The following TCP1 variants were observed in gnomAD, a reference collection of about 807,000 sequenced individuals.
The protein encoded by TCP1 is t-complex 1.
Under a neutral mutation model 54.7 loss-of-function variants are expected in TCP1, and 6 were observed. That is an observed-to-expected ratio of 0.11 (90% CI 0.06 to 0.22). The LOEUF (loss-of-function observed/expected upper bound fraction) is 0.22. Ranked by LOEUF, TCP1 falls within the 10% of genes least tolerant of loss-of-function variation. The pLI, the probability that TCP1 is intolerant of heterozygous loss-of-function variation, is 1.00. For missense variants in TCP1, 511 were observed against 678.2 expected, an observed-to-expected ratio of 0.75 and a Z score of 2.74; for synonymous variants, 225 against 229.7, an observed-to-expected ratio of 0.98 and a Z score of 0.19.
intron 7 of TCP1, among the ~76,000 whole-genome samples, 156 bp from the exon 8 acceptor site, chr6:159,781,266 T>G (rs1388093896): frequency 6.6e-6 from 1 of 152,236 alleles, no homozygotes; most frequent in African/African-American, 2.4e-5. Context: ...ATGGAAAATT[T>G]GAAGGAATTA....
In TCP1 at chr6:159,779,941, A is replaced by G. The variant is rs1346200552; in HGVS notation, c.1244T>C (p.Val415Ala). 1 of 1,614,044 alleles carries G rather than the reference A, an allele frequency of 6.2e-7. No individual in the cohort carries two copies. Among genetic ancestry groups the G allele is most frequent in the Non-Finnish European group, 8.5e-7 (1 of 1,180,032 alleles). The change falls in exon 10 of 12, where the codon GTA becomes GCA. Residue 415 changes from valine to alanine, a missense_variant. This residue lies in a region of TCP1 where 88 missense variants were observed against 153.1 expected (regional missense o/e 0.57). Coordinates refer to ENST00000321394, the MANE Select transcript of TCP1 (RefSeq NM_030752.3). Reference sequence around the variant, plus strand: ...AAGGTATATGGAAAGGGCTGCTTCTACAGCACCCCCACCGGGAACCACAGA... The same window carrying G: ...AAGGTATATGGAAAGGGCTGCTTCTGCAGCACCCCCACCGGGAACCACAGA... ...SKSVVPGGGA[V>A]EAALSIYLEN... is the part of the protein sequence containing the mutation.
chr6:159,786,273 G>A (rs903336551), intron 3 of TCP1, among the ~76,000 whole-genome samples: 3 of 152,268 alleles, frequency 2.0e-5, no homozygotes, highest in Middle Eastern at 3.4e-3. Context: ...CTGATGGGGG[G>A]AGGAAAACTT....
At chr6:159,786,761 T>G (rs940474374) in intron 3 of TCP1, among the ~76,000 whole-genome samples, 1 of 152,222 alleles carries the variant, frequency 6.6e-6, no homozygotes, top group Admixed American at 6.5e-5. Flanking sequence ...AACTATCTAG[T>G]TTCTCCAGAA....
intron 7 of TCP1, among the ~76,000 whole-genome samples, chr6:159,781,714 G>A (rs1780581103): frequency 6.6e-6 from 1 of 152,258 alleles, no homozygotes; most frequent in South Asian, 2.1e-4. Flanking sequence ...GGAGGTCGCA[G>A]TGAGCCGAGA....
chr6:159,779,482 G>C, intron 11 of TCP1, 145 bp downstream of exon 11: 1 of 1,185,010 alleles, frequency 8.4e-7, no homozygotes, highest in South Asian at 1.6e-5. Flanking sequence ...TACAGTGACT[G>C]AACAACAAAT....
chr6:159,788,375 G>A (rs1780749913), intron 1 of TCP1: 1 of 454,868 alleles, frequency 2.2e-6, no homozygotes, highest in Non-Finnish European at 4.0e-6. Context: ...ATCGCTTGAT[G>A]CCAGGAGTTT....
intron 6 of TCP1, 64 bp from the exon 7 acceptor site, chr6:159,784,131 TA>T: frequency 2.0e-6 from 3 of 1,535,534 alleles, no homozygotes; most frequent in Non-Finnish European, 1.7e-6. Flanking sequence ...AGAGTACCTA[TA>T]ATCGATTGTA....
At chr6:159,786,669 G>A (rs151321491) in intron 3 of TCP1, among the ~76,000 whole-genome samples, 1 of 152,344 alleles carries the variant, frequency 6.6e-6, no homozygotes, top group African/African-American at 2.4e-5. Flanking sequence ...TCGTAAGTTA[G>A]ACAAAGATCA....
In TCP1 at chr6:159,789,434, C is replaced by A. The variant is rs1304347584; in HGVS notation, c.35G>T (p.Ser12Ile). 1 of 1,613,746 alleles carries A rather than the reference C, an allele frequency of 6.2e-7. No individual in the cohort carries two copies. Among genetic ancestry groups the A allele is most frequent in the African/African-American group, 1.3e-5 (1 of 74,912 alleles). Residue 12 changes from serine to isoleucine, a missense_variant, in exon 1 of 12, where the codon AGC becomes ATC. Around this residue, in one of 5 missense-constraint regions of TCP1, gnomAD observed 35 missense variants for 32.7 expected, o/e 1.07. Coordinates refer to ENST00000321394, the MANE Select transcript of TCP1 (RefSeq NM_030752.3). ...TTGGGAGCGGATCGTTTCCCCAGTG[C>A]TGCGGTCACCGAACACGGACAAAGG... is the stretch of plus-strand genomic sequence containing the variant. ...EGPLSVFGDRSTGETIRSQNV... is the reference protein window; with the variant it reads ...EGPLSVFGDRITGETIRSQNV...
In TCP1 at chr6:159,779,011, A is replaced by T. The variant is rs760229708; in HGVS notation, c.*34T>A. On this transcript the variant is annotated 3_prime_UTR_variant, in exon 12 of 12. Transcript: ENST00000321394. Reference sequence around the variant, plus strand: ...TCAACTCAAGGTACAAGACAATTGCATTTAACATTGTTATAAATAAAAGGA... The same window carrying T: ...TCAACTCAAGGTACAAGACAATTGCTTTTAACATTGTTATAAATAAAAGGA... The T allele has an allele frequency of 6.3e-7, 1 of 1,599,756 alleles. No homozygotes were observed. Among genetic ancestry groups the T allele is most frequent in the South Asian group, 1.1e-5 (1 of 89,940 alleles).
intron 11 of TCP1, 109 bp downstream of exon 11, chr6:159,779,518 A>C: frequency 7.0e-7 from 1 of 1,420,008 alleles, no homozygotes; most frequent in Non-Finnish European, 9.5e-7. Flanking sequence ...TTTCATGTTA[A>C]GTATTTGACA....
chr6:159,789,472 G>C lies in TCP1; in HGVS notation c.-4C>G, dbSNP rs2115001131. 1 of 1,613,774 alleles carries C rather than the reference G, an allele frequency of 6.2e-7. No homozygotes were observed. ...ACACGGACAAAGGCCCCTCCATCTT[G>C]ACGGCAGCGATACACGTCGAATTCT... On this transcript the variant is annotated 5_prime_UTR_variant, in exon 1 of 12. Coordinates refer to ENST00000321394, the MANE Select transcript of TCP1 (RefSeq NM_030752.3).
chr6:159,780,601 G>T (rs772810475), intron 8 of TCP1, 35 bp from the exon 9 acceptor site: 47 of 1,595,856 alleles, frequency 2.9e-5, no homozygotes, highest in Non-Finnish European at 3.8e-5. Context: ...TGTGAATATT[G>T]CTCTTTCATG....
chr6:159,788,336 TCCCAACA>T, intron 1 of TCP1, 193 bp from the exon 2 acceptor site: 1 of 544,338 alleles, frequency 1.8e-6, no homozygotes. Flanking sequence ...ACAGGTGTAA[TCCCAACA>T]CTGCGAGGCC....
chr6:159,788,286 C>T, intron 1 of TCP1, 143 bp from the exon 2 acceptor site: 1 of 738,154 alleles, frequency 1.4e-6, no homozygotes, highest in Non-Finnish European at 2.2e-6. Context: ...ATTTAAAAAC[C>T]ACCTACTAAG....
intron 8 of TCP1, 79 bp downstream of exon 8, chr6:159,780,856 A>T: frequency 6.8e-7 from 1 of 1,467,416 alleles, no homozygotes; most frequent in Non-Finnish European, 9.1e-7. Flanking sequence ...GTTTTCTGTC[A>T]ATATTCCAAT....
intron 9 of TCP1, 32 bp downstream of exon 9, chr6:159,780,411 A>G (rs965982664): frequency 6.2e-7 from 1 of 1,608,990 alleles, no homozygotes; most frequent in Non-Finnish European, 8.5e-7. Context: ...CAAAATCGGT[A>G]TAACTTTACA....
chr6:159,783,410 C>G (rs191582587), intron 7 of TCP1, among the ~76,000 whole-genome samples: 2 of 109,962 alleles, frequency 1.8e-5, no homozygotes, highest in Non-Finnish European at 3.5e-5. Flanking sequence ...GAGACAGGGT[C>G]TCGCTGTCAC....
At chr6:159,785,689 A>G (rs770067190) in intron 4 of TCP1, 193 bp from the exon 5 acceptor site, 2 of 789,480 alleles carry the variant, frequency 2.5e-6, no homozygotes, top group African/African-American at 1.7e-5. Flanking sequence ...AAGCATAGCC[A>G]CTAAAATCTA....
Sources: allele counts gnomAD v4.1 joint callset (sites outside exome capture counted in the v4.1 genomes callset), GRCh38; gene constraint gnomAD v4.1.1; regional missense constraint gnomAD v4.1.1; transcripts MANE v1.5; gene names NCBI Gene and HGNC (gene_info 2026-07-23, HGNC 2026-07-21).